The following PTPDC1 variants were observed in gnomAD, a reference collection of about 807,000 sequenced individuals.
PTPDC1 encodes the protein protein tyrosine phosphatase domain-containing protein 1.
Under a neutral mutation model 75.3 loss-of-function variants are expected in PTPDC1, and 53 were observed. The ratio of observed to expected loss-of-function variants is 0.70; its 90% CI spans 0.56 to 0.88. The LOEUF is 0.88. Ranked by LOEUF, PTPDC1 falls within the 40% of genes least tolerant of loss-of-function variation. The pLI is 0.00. For missense variants in PTPDC1, 925 were observed against 998.6 expected, an observed-to-expected ratio of 0.93 and a Z score of 0.99; for synonymous variants, 349 against 366.2, an observed-to-expected ratio of 0.95 and a Z score of 0.54.
intron 1 of PTPDC1, among the ~76,000 whole-genome samples, chr9:94,046,702 T>C (rs566907968): frequency 6.6e-6 from 1 of 152,352 alleles, no homozygotes; most frequent in East Asian, 1.9e-4. Flanking sequence ...TTTTGTATCC[T>C]GAGACTTTGC....
rs558619767 is a variant in PTPDC1, at chr9:94,100,238, A to G, written c.2014-1328A>G. On this transcript the variant is annotated intron_variant, in intron 6 of 8. Coordinates refer to ENST00000620992, the MANE Select transcript of PTPDC1 (RefSeq NM_001253829.2). ...GGCATGCGTGTGGCAGAGTCAGGGT[A>G]CAGCACATGTGTTTAACACTTTCCA... 3 of 152,468 alleles carry G rather than the reference A, an allele frequency of 2.0e-5. No homozygotes were observed. In the South Asian group the frequency reaches 6.2e-4, roughly 32 times the overall value. The allele number at this position is 152,468 out of a possible 1,614,324, so 9.4% of individuals were successfully genotyped here. A position where few individuals can be genotyped will look rare whatever the true frequency, so the allele number is the denominator to read the frequency against.
intron 1 of PTPDC1, among the ~76,000 whole-genome samples, chr9:94,053,855 A>G (rs566159582): frequency 4.6e-5 from 7 of 152,356 alleles, no homozygotes; most frequent in Non-Finnish European, 8.8e-5. Flanking sequence ...GCCGCCACAT[A>G]ATTATATATG....
intron 4 of PTPDC1, among the ~76,000 whole-genome samples, chr9:94,092,911 G>A (rs1160421097): frequency 4.5e-4 from 68 of 151,252 alleles, no homozygotes; most frequent in African/African-American, 1.6e-3. Flanking sequence ...TGCAACCCCT[G>A]CCTTTTTTTG....
chr9:94,099,282 G>T (rs1441961281), intron 6 of PTPDC1, among the ~76,000 whole-genome samples: 1 of 152,126 alleles, frequency 6.6e-6, no homozygotes, highest in Non-Finnish European at 1.5e-5. Flanking sequence ...TGCCCTGAAT[G>T]AGCACCTGTT....
chr9:94,088,240 C>G lies in PTPDC1; in HGVS notation c.593C>G (p.Pro198Arg). The change falls in exon 4 of 9, where the codon CCT (proline) becomes CGT (arginine). Residue 198 changes from proline (P) to arginine (R), a missense_variant. Coordinates refer to ENST00000620992, the MANE Select transcript of PTPDC1 (RefSeq NM_001253829.2). The stretch of plus-strand genomic sequence containing the variant: ...CAAGAAAGTGGCTTCACATACCTTC[C>G]TGAGGCTTTCATGGAGGCTGGCAGT... Reference protein sequence around the residue: ...LEQESGFTYLPEAFMEAGIYF... With the variant: ...LEQESGFTYLREAFMEAGIYF... 1 of 1,613,996 alleles carries G rather than the reference C, an allele frequency of 6.2e-7. No homozygotes were observed. The highest frequency in any genetic ancestry group is 8.5e-7 in the Non-Finnish European group (1 of 1,179,946).
At position 94,084,661 on chromosome 9, in the gene PTPDC1, G is replaced by C; in HGVS notation, c.131G>C (p.Gly44Ala). ...LQQARRGSGL[G>A]SGSATKLLSS... ...CAGGCCCGGCGGGGCTCTGGCTTGG[G>C]CTCCGGCTCTGCCACGAAGCTGCTG... The change falls in exon 1 of 9, where the codon GGC becomes GCC. Residue 44 changes from glycine to alanine, a missense_variant. Transcript: ENST00000620992. The C allele has an allele frequency of 1.2e-6, 2 of 1,613,458 alleles. No individual in the cohort carries two copies. The highest frequency in any genetic ancestry group is 2.2e-5 in the South Asian group (2 of 91,036).
chr9:94,059,206 T>C (rs945118861), intron 1 of PTPDC1, among the ~76,000 whole-genome samples: 1 of 152,208 alleles, frequency 6.6e-6, no homozygotes, highest in African/African-American at 2.4e-5. Flanking sequence ...TATATGTGTA[T>C]ATGTATTATA....
At position 94,097,687 on chromosome 9, in the gene PTPDC1, T is replaced by C. The variant is rs756440598; in HGVS notation, c.1121T>C (p.Ile374Thr). Reference sequence around the variant, plus strand: ...GAAGGACCTGGTCTCTCTGCTGAAATAGAAAAGACAATGTCTGAGATGGTC... The same window carrying C: ...GAAGGACCTGGTCTCTCTGCTGAAACAGAAAAGACAATGTCTGAGATGGTC... ...VSEGPGLSAE[I>T]EKTMSEMVTM... is the part of the protein sequence containing the mutation. The change falls in exon 6 of 9, where the codon ATA becomes ACA. Residue 374 changes from isoleucine to threonine, a missense_variant. Ile to Thr is a moderately conservative substitution (Grantham distance 89, BLOSUM62 -1). Transcript: ENST00000620992. 6.2e-7 allele frequency: 1 copy of C among 1,614,032 alleles called. No homozygotes were observed. Among genetic ancestry groups the C allele is most frequent in the Non-Finnish European group, 8.5e-7 (1 of 1,180,032 alleles).
intron 2 of PTPDC1, among the ~76,000 whole-genome samples, chr9:94,072,198 G>T (rs905532395): frequency 1.3e-5 from 2 of 152,106 alleles, no homozygotes; most frequent in Admixed American, 6.5e-5. Flanking sequence ...AGCAGAGACG[G>T]TTTCGCCATG....
At chr9:94,085,794 G>T (rs555129400) in intron 2 of PTPDC1, among the ~76,000 whole-genome samples, 49 of 152,260 alleles carry the variant, frequency 3.2e-4, no homozygotes, top group African/African-American at 1.2e-3. Flanking sequence ...TCAGTTTCAT[G>T]TAGGTAAGCT....
At chr9:94,045,917 C>G (rs1308084568) in intron 1 of PTPDC1, among the ~76,000 whole-genome samples, 1 of 152,212 alleles carries the variant, frequency 6.6e-6, no homozygotes, top group African/African-American at 2.4e-5. Context: ...GAAGTCCTTG[C>G]TCATGCTTAT....
intron 1 of PTPDC1, among the ~76,000 whole-genome samples, chr9:94,038,635 G>A (rs1387612678): frequency 6.6e-6 from 1 of 152,158 alleles, no homozygotes; most frequent in East Asian, 1.9e-4. Context: ...GATGGTGAGT[G>A]CCATCTTAAA....
chr9:94,101,311 G>A (rs1827832001), intron 6 of PTPDC1: 1 of 343,584 alleles, frequency 2.9e-6, no homozygotes, highest in Non-Finnish European at 5.2e-6. Context: ...CCTTATCTCA[G>A]TCAATCAGCC....
chr9:94,047,776 A>G (rs1479349430), intron 1 of PTPDC1, among the ~76,000 whole-genome samples: 6 of 152,224 alleles, frequency 3.9e-5, no homozygotes, highest in Non-Finnish European at 8.8e-5. Flanking sequence ...ACCATCAGAG[A>G]ATACTATAAA....
chr9:94,101,714 G>A lies in PTPDC1; in HGVS notation c.2162G>A (p.Arg721Gln), dbSNP rs140276398. The A allele has an allele frequency of 2.8e-4, 452 of 1,611,994 alleles. 1 individual carries two copies. Among genetic ancestry groups the A allele is most frequent in the Admixed American group, 3.8e-4 (23 of 59,904 alleles). The change falls in exon 7 of 9, where the codon CGA becomes CAA. Residue 721 changes from arginine to glutamine, a missense_variant. Coordinates refer to ENST00000620992, the MANE Select transcript of PTPDC1 (RefSeq NM_001253829.2). ...GATGTGGACATGTTGGTTGACAGGC[G>A]AGCAGATGCCGCAGAAGCACTTTTT... ...KEDVDMLVDR[R>Q]ADAAEALFLL... is the part of the protein sequence containing the mutation.
In PTPDC1 at chr9:94,097,979, G is replaced by A. The variant is rs1827676571; in HGVS notation, c.1413G>A (p.Gln471=). 1.2e-6 allele frequency: 2 copies of A among 1,614,066 alleles called. No individual in the cohort carries two copies. The highest frequency in any genetic ancestry group is 1.3e-5 in the African/African-American group (1 of 74,940). The change falls in exon 6 of 9, where the codon CAG becomes CAA. Residue 471 remains glutamine (Q), a synonymous_variant. Coordinates refer to ENST00000620992, the MANE Select transcript of PTPDC1 (RefSeq NM_001253829.2). ...AGACTCCACAGACAGTGCCTGCCCA[G>A]ATCTTGGTTGGCCACAAGCCCAGGC... The part of the protein sequence containing the change: ...QGETPQTVPA[Q]ILVGHKPRQQ...
chr9:94,097,978 A>G lies in PTPDC1; in HGVS notation c.1412A>G (p.Gln471Arg). ...QGETPQTVPA[Q>R]ILVGHKPRQQ... Reference sequence around the variant, plus strand: ...GAGACTCCACAGACAGTGCCTGCCCAGATCTTGGTTGGCCACAAGCCCAGG... The same window carrying G: ...GAGACTCCACAGACAGTGCCTGCCCGGATCTTGGTTGGCCACAAGCCCAGG... Residue 471 changes from glutamine (Q) to arginine (R), a missense_variant, in exon 6 of 9, where the codon CAG (glutamine) becomes CGG (arginine). Gln to Arg is a conservative substitution (Grantham distance 43). Transcript: ENST00000620992. 1 of 1,614,186 alleles carries G rather than the reference A, an allele frequency of 6.2e-7. No homozygotes were observed. The highest frequency in any genetic ancestry group is 8.5e-7 in the Non-Finnish European group (1 of 1,180,024).
chr9:94,031,665 C>G (rs533971957), intron 1 of PTPDC1, among the ~76,000 whole-genome samples: 1 of 152,068 alleles, frequency 6.6e-6, no homozygotes, highest in South Asian at 2.1e-4. Flanking sequence ...TAGATATTAC[C>G]GTCCTTTGTG....
chr9:94,085,309 C>T lies in PTPDC1; in HGVS notation c.303C>T (p.Val101=). 1 of 1,614,194 alleles carries T rather than the reference C, an allele frequency of 6.2e-7. No individual in the cohort carries two copies. Among genetic ancestry groups the T allele is most frequent in the Non-Finnish European group, 8.5e-7 (1 of 1,180,032 alleles). The change falls in exon 2 of 9, where the codon GTC becomes GTT. Residue 101 remains valine (V), a synonymous_variant. Transcript: ENST00000620992. ...AAGTAGGGGAGCGTTTACGGCATGTCATTCCTGGACACATGGCATGTTCCA... is the reference window on the plus strand; with the variant it reads ...AAGTAGGGGAGCGTTTACGGCATGTTATTCCTGGACACATGGCATGTTCCA... ...YTKVGERLRH[V]IPGHMACSMA...
Sources: allele counts gnomAD v4.1 joint callset (sites outside exome capture counted in the v4.1 genomes callset), GRCh38; gene constraint gnomAD v4.1.1; transcripts MANE v1.5; gene names NCBI Gene and HGNC (gene_info 2026-07-23, HGNC 2026-07-21).